Variants in TLCD1 observed in about 807,000 individuals in gnomAD.
TLCD1 encodes the protein TLC domain containing 1.
In TLCD1, 21 loss-of-function variants were observed where a neutral mutation model predicts 21.2. The observed-to-expected ratio is 0.99, with a 90% CI of 0.70 to 1.42. The LOEUF (loss-of-function observed/expected upper bound fraction) is 1.42, where lower values mean the gene tolerates loss of function less well. Ranked by LOEUF, TLCD1 falls within the 40% of genes most tolerant of loss-of-function variation. TLCD1 has a pLI of 0.00. For synonymous variants in TLCD1, 168 were observed against 134.8 expected (o/e 1.25, Z -1.71); for missense variants, 344 against 330.3 (o/e 1.04, Z -0.32).
At chr17:28,727,119 C>A (rs978007788), upstream of TLCD1, 2 of 369,492 alleles carry the variant, frequency 5.4e-6, no homozygotes, top group African/African-American at 2.1e-5. Flanking sequence ...TGAGAGCCAG[C>A]GAGGGAAGTT....
upstream of TLCD1, chr17:28,727,070 A>G (rs953640412): frequency 1.6e-5 from 9 of 569,640 alleles, no homozygotes; most frequent in African/African-American, 7.5e-5. Context: ...GCTTTCGGGG[A>G]GAGTTTAGGT....
chr17:28,726,810 G>C (rs1432976672), upstream of TLCD1: 1 of 1,548,174 alleles, frequency 6.5e-7, no homozygotes, highest in East Asian at 2.4e-5. Context: ...GTAACCCATC[G>C]CCACCTCTTC....
upstream of TLCD1, chr17:28,726,658 G>T (rs2034236099): frequency 5.1e-6 from 6 of 1,187,352 alleles, no homozygotes; most frequent in East Asian, 2.6e-5. Context: ...CTGGTCCTGG[G>T]GTGGGCTCCG....
Position 28,724,657 on chromosome 17 carries a change from G to C in TLCD1, c.597C>G (p.Asn199Lys). 6.2e-7 allele frequency: 1 copy of C among 1,614,174 alleles called. No homozygotes were observed. Among genetic ancestry groups the C allele is most frequent in the South Asian group, 1.1e-5 (1 of 91,080 alleles). The change falls in exon 4 of 4, where the codon AAC (asparagine) becomes AAG (lysine). Residue 199 changes from asparagine (N) to lysine (K), a missense_variant. Coordinates refer to ENST00000292090, the MANE Select transcript of TLCD1 (RefSeq NM_138463.4). ...GCAGGAAGGTGCCCAGGGTCCTCTG[G>C]TTCACATAACGCAAGAAGAAATGGG... ...YLTHFFLRYVNQRTLGTFLLG... is the reference protein window; with the variant it reads ...YLTHFFLRYVKQRTLGTFLLG...
At chr17:28,727,047 G>A, upstream of TLCD1, 1 of 585,234 alleles carries the variant, frequency 1.7e-6, no homozygotes, top group Non-Finnish European at 3.1e-6. Flanking sequence ...TCCCGCCTCC[G>A]AGCGAGGCAG....
chr17:28,725,567 G>T lies in TLCD1; in HGVS notation c.195-4C>A, dbSNP rs1597800269. ...CATGTCAGGAGTCTGCCATACACTG[G>T]AAAGGAGGGAAGAGGAGGCTCTGCA... On this transcript the variant is annotated splice_region_variant and splice_polypyrimidine_tract_variant and intron_variant, in intron 1 of 3. Coordinates refer to ENST00000292090, the MANE Select transcript of TLCD1 (RefSeq NM_138463.4). 1.9e-6 allele frequency: 3 copies of T among 1,613,886 alleles called. No individual in the cohort carries two copies. The highest frequency in any genetic ancestry group is 2.2e-5 in the East Asian group (1 of 44,894).
chr17:28,725,385 C>T lies in TLCD1; in HGVS notation c.279G>A (p.Gly93=). Residue 93 remains glycine (G), a splice_region_variant and synonymous_variant, in exon 3 of 4, where the codon GGG becomes GGA. Transcript: ENST00000292090. The part of the protein sequence containing the change: ...SGYLLVCFSA[G]YFIHDTVDIV... Reference sequence around the variant, plus strand: ...TGTCCACCGTATCGTGGATGAAATACCCTAGTGGAGGGATGGGGCAAGAGA... The same window carrying T: ...TGTCCACCGTATCGTGGATGAAATATCCTAGTGGAGGGATGGGGCAAGAGA... 2.5e-6 allele frequency: 4 copies of T among 1,614,186 alleles called. No individual in the cohort carries two copies. The highest frequency in any genetic ancestry group is 3.4e-6 in the Non-Finnish European group (4 of 1,180,028).
In TLCD1 at chr17:28,724,644, C is replaced by T; in HGVS notation, c.610G>A (p.Gly204Ser). The T allele has an allele frequency of 6.2e-7, 1 of 1,614,064 alleles. No homozygotes were observed. The highest frequency in any genetic ancestry group is 8.5e-7 in the Non-Finnish European group (1 of 1,179,988). ...AGCAGGATACCCAGCAGGAAGGTGC[C>T]CAGGGTCCTCTGGTTCACATAACGC... ...FLRYVNQRTLGTFLLGILLML... is the reference protein window; with the variant it reads ...FLRYVNQRTLSTFLLGILLML... The change falls in exon 4 of 4, where the codon GGC becomes AGC. Residue 204 changes from glycine (G) to serine (S), a missense_variant. Coordinates refer to ENST00000292090, the MANE Select transcript of TLCD1 (RefSeq NM_138463.4).
upstream of TLCD1, chr17:28,727,035 C>T (rs1237191738): frequency 8.5e-6 from 5 of 587,480 alleles, no homozygotes; most frequent in Non-Finnish European, 1.5e-5. Flanking sequence ...GCGGGCTCCC[C>T]CTCCCGCCTC....
intron 1 of TLCD1, 104 bp from the exon 2 acceptor site, chr17:28,725,667 G>T: frequency 7.6e-7 from 1 of 1,316,668 alleles, no homozygotes. Context: ...TCGCGCTAGT[G>T]GCTGACTGGG....
upstream of TLCD1, chr17:28,727,756 AT>A (rs2151729178): frequency 6.6e-6 from 1 of 151,656 alleles, no homozygotes; most frequent in Admixed American, 6.6e-5. Context: ...AGTAGCTGGG[AT>A]TACAAGCGCG....
chr17:28,725,423 C>T (rs772853055), intron 2 of TLCD1, 37 bp from the exon 3 acceptor site: 2 of 1,614,082 alleles, frequency 1.2e-6, no homozygotes, highest in South Asian at 1.1e-5. Context: ...ATGAACTGAA[C>T]AAGCAGCTTC....
chr17:28,725,785 C>G, intron 1 of TLCD1, 119 bp downstream of exon 1: 2 of 1,352,064 alleles, frequency 1.5e-6, no homozygotes, highest in South Asian at 1.4e-5. Flanking sequence ...CAAACGGGAT[C>G]AGGTGAGACT....
At chr17:28,725,662 C>G in intron 1 of TLCD1, 99 bp from the exon 2 acceptor site, 1 of 1,350,700 alleles carries the variant, frequency 7.4e-7, no homozygotes, top group Non-Finnish European at 1.0e-6. Context: ...TGGGCTCGCG[C>G]TAGTGGCTGA....
At position 28,725,473 on chromosome 17, in the gene TLCD1, A is replaced by G. The variant is rs756412924; in HGVS notation, c.277+8T>C. The G allele has an allele frequency of 6.2e-7, 1 of 1,614,200 alleles. No individual in the cohort carries two copies. ...CAATTTGCCTCCCGCTTCCTGGGCAAGACCTACCCGCAGAGAAGCAAACGA... is the reference window on the plus strand; with the variant it reads ...CAATTTGCCTCCCGCTTCCTGGGCAGGACCTACCCGCAGAGAAGCAAACGA... On this transcript the variant is annotated splice_region_variant and intron_variant, in intron 2 of 3. Transcript: ENST00000292090.
chr17:28,726,081 T>A lies in TLCD1; in HGVS notation c.17A>T (p.His6Leu). The A allele has an allele frequency of 6.8e-7, 1 of 1,479,952 alleles. No homozygotes were observed. 91.7% of individuals were successfully genotyped at this position (1,479,952 alleles called of 1,614,324 possible). ...GCCCAGGAGCAGCGGCAGGGCGGGG[T>A]GCAGCAGTCGGGGCATGCTGGCCCT... MPRLLHPALPLLLGAT... is the reference protein window; with the variant it reads MPRLLLPALPLLLGAT... The change falls in exon 1 of 4, where the codon CAC becomes CTC. Residue 6 changes from histidine (H) to leucine (L), a missense_variant. By Grantham distance (99) the His-to-Leu change is moderately conservative. Transcript: ENST00000292090.
At position 28,725,654 on chromosome 17, in the gene TLCD1, G is replaced by A. The variant is rs2034212772; in HGVS notation, c.195-91C>T. ...CCCTTCGCAGCCCCGGGGGATCCTG[G>A]GCTCGCGCTAGTGGCTGACTGGGAA... On this transcript the variant is annotated intron_variant, in intron 1 of 3. Coordinates refer to ENST00000292090, the MANE Select transcript of TLCD1 (RefSeq NM_138463.4). 49 of 1,414,080 alleles carry A rather than the reference G, an allele frequency of 3.5e-5. No homozygotes were observed. In the South Asian group the frequency reaches 5.8e-4, roughly 17 times the overall value. The allele number at this position is 1,414,080 out of a possible 1,614,324, so 87.6% of individuals were successfully genotyped here. A position where few individuals can be genotyped will look rare whatever the true frequency, so the allele number is the denominator to read the frequency against.
In TLCD1 at chr17:28,724,801, G is replaced by A; in HGVS notation, c.453C>T (p.Leu151=). The A allele has an allele frequency of 6.2e-7, 1 of 1,614,146 alleles. No individual in the cohort carries two copies. Among genetic ancestry groups the A allele is most frequent in the East Asian group, 2.2e-5 (1 of 44,886 alleles). The change falls in exon 4 of 4, where the codon CTC becomes CTT. Residue 151 remains leucine (L), a synonymous_variant. Transcript: ENST00000292090. ...TLLVEVSNIF[L]TIRMMMKISN... is the part of the protein sequence containing the mutation. Reference sequence around the variant, plus strand: ...TGATTTTCATCATCATGCGAATGGTGAGGAAGATGTTGCTGACTTCCACCA... The same window carrying A: ...TGATTTTCATCATCATGCGAATGGTAAGGAAGATGTTGCTGACTTCCACCA...
chr17:28,725,656 C>T (rs927243675), intron 1 of TLCD1, 93 bp from the exon 2 acceptor site: 1 of 1,401,950 alleles, frequency 7.1e-7, no homozygotes, highest in Admixed American at 1.8e-5. Flanking sequence ...GGATCCTGGG[C>T]TCGCGCTAGT....
Sources: allele counts gnomAD v4.1 joint callset, GRCh38; gene constraint gnomAD v4.1.1; transcripts MANE v1.5; gene names NCBI Gene and HGNC (gene_info 2026-07-23, HGNC 2026-07-21).